Variants in METTL15 observed in about 807,000 individuals in gnomAD.
The protein encoded by METTL15 is 12S rRNA N(4)-cytidine methyltransferase METTL15.
METTL15 carries 34 observed loss-of-function variants against 38.3 expected under a neutral mutation model. The ratio of observed to expected loss-of-function variants is 0.89; its 90% CI spans 0.68 to 1.18. The LOEUF is 1.18. Among genes scored for constraint, METTL15 ranks in the 50% most tolerant of loss-of-function variants. The pLI is 0.00. For synonymous variants in METTL15, 162 were observed against 170.9 expected (o/e 0.95, Z 0.41); for missense variants, 438 against 498.4 (o/e 0.88, Z 1.15).
chr11:28,341,331 A>G (rs1849951054), intron 3 of METTL15, among the ~76,000 whole-genome samples: 2 of 152,142 alleles, frequency 1.3e-5, no homozygotes, highest in Admixed American at 6.6e-5. Context: ...AAAATTTGCT[A>G]TTCTATTTAC....
chr11:28,265,746 C>A (rs1427014748), intron 4 of METTL15, among the ~76,000 whole-genome samples: 1 of 152,140 alleles, frequency 6.6e-6, no homozygotes, highest in African/African-American at 2.4e-5. Flanking sequence ...GAACTCCACA[C>A]CTATATACCC....
intron 6 of METTL15, among the ~76,000 whole-genome samples, chr11:28,298,955 A>G (rs895113589): frequency 1.4e-4 from 21 of 152,138 alleles, no homozygotes; most frequent in African/African-American, 5.1e-4. Context: ...AGCTAATCAG[A>G]TACAACCTCT....
At chr11:28,453,732 CA>C (rs1222107963) in intron 6 of METTL15, among the ~76,000 whole-genome samples, 1 of 152,146 alleles carries the variant, frequency 6.6e-6, no homozygotes, top group Non-Finnish European at 1.5e-5. Flanking sequence ...GGTTTTTGGT[CA>C]AAATTCCATT....
rs929427802 is a variant in METTL15, at chr11:28,137,740, A to G, written c.270+24136A>G. Reference sequence around the variant, plus strand: ...ACCATTTGTCTTCAAAAATATTTCTATTTCTCAAAGATTAAAGTCACTTGA... The same window carrying G: ...ACCATTTGTCTTCAAAAATATTTCTGTTTCTCAAAGATTAAAGTCACTTGA... On this transcript the variant is annotated intron_variant, in intron 3 of 6. Coordinates refer to ENST00000407364, the MANE Select transcript of METTL15 (RefSeq NM_001113528.2). 3.0e-4 allele frequency among the ~76,000 whole-genome samples: 46 copies of G among 151,488 alleles called. 1 individual carries two copies. Among genetic ancestry groups the G allele is most frequent in the African/African-American group, 1.0e-3 (43 of 41,186 alleles).
chr11:28,113,486 A>T lies in METTL15; in HGVS notation c.152A>T (p.Gln51Leu). 6.2e-7 allele frequency: 1 copy of T among 1,612,988 alleles called. No individual in the cohort carries two copies. ...REYEAREQTD[Q>L]TQAQELHRSQ... is the part of the protein sequence containing the mutation. The stretch of plus-strand genomic sequence containing the variant: ...TATGAAGCCCGGGAGCAAACAGATC[A>T]AACTCAAGCCCAGGAGTTACACAGA... Residue 51 changes from glutamine (Q) to leucine (L), a missense_variant, in exon 3 of 7, where the codon CAA becomes CTA. Transcript: ENST00000407364.
At chr11:28,397,072 C>T (rs907381135) in intron 5 of METTL15, among the ~76,000 whole-genome samples, 2 of 152,124 alleles carry the variant, frequency 1.3e-5, no homozygotes, top group Non-Finnish European at 2.9e-5. Context: ...CTTCCTTACA[C>T]TTTATACAAA....
intron 6 of METTL15, among the ~76,000 whole-genome samples, chr11:28,311,381 C>T (rs917442404): frequency 1.3e-5 from 2 of 152,108 alleles, no homozygotes; most frequent in East Asian, 3.9e-4. Context: ...TACTTTAGAT[C>T]GTGCCCTGAA....
At chr11:28,393,938 C>A (rs1850540376) in intron 5 of METTL15, among the ~76,000 whole-genome samples, 1 of 151,464 alleles carries the variant, frequency 6.6e-6, no homozygotes, top group South Asian at 2.1e-4. Flanking sequence ...ACTGCTTCTC[C>A]TCCATCCATA....
At chr11:28,360,664 T>G (rs947105953) in intron 4 of METTL15, among the ~76,000 whole-genome samples, 4 of 152,112 alleles carry the variant, frequency 2.6e-5, no homozygotes, top group Admixed American at 2.6e-4. Context: ...TCTCTCTCTT[T>G]TTTTTTATTA....
intron 3 of METTL15, among the ~76,000 whole-genome samples, chr11:28,155,580 G>A (rs914187704): frequency 2.0e-5 from 3 of 152,134 alleles, no homozygotes; most frequent in African/African-American, 7.2e-5. Flanking sequence ...AGATGAGAGG[G>A]AGAGGATAGG....
intron 4 of METTL15, among the ~76,000 whole-genome samples, chr11:28,217,261 G>A (rs1340047359): frequency 6.6e-6 from 1 of 151,824 alleles, no homozygotes; most frequent in African/African-American, 2.4e-5. Flanking sequence ...ATTCTAACTG[G>A]TGTGAGATGG....
At chr11:28,338,044 C>T (rs1849917356), downstream of METTL15, among the ~76,000 whole-genome samples, 1 of 151,610 alleles carries the variant, frequency 6.6e-6, no homozygotes, top group Non-Finnish European at 1.5e-5. Context: ...CTTTTTACCC[C>T]TGTGTTTCAG....
intron 5 of METTL15, among the ~76,000 whole-genome samples, chr11:28,421,352 A>G (rs926860704): frequency 1.3e-5 from 2 of 152,092 alleles, no homozygotes; most frequent in African/African-American, 4.8e-5. Context: ...AATACTTCCA[A>G]ACTCATTCTA....
intron 4 of METTL15, among the ~76,000 whole-genome samples, chr11:28,252,332 A>G (rs1854778199): frequency 6.6e-6 from 1 of 152,152 alleles, no homozygotes; most frequent in African/African-American, 2.4e-5. Flanking sequence ...CAGATTTCAA[A>G]GAACATTTAG....
chr11:28,273,082 A>G (rs902225888), intron 4 of METTL15, among the ~76,000 whole-genome samples: 1 of 152,210 alleles, frequency 6.6e-6, no homozygotes, highest in Non-Finnish European at 1.5e-5. Context: ...CTCTGTTAAA[A>G]TATTCTGTGA....
chr11:28,372,839 A>C (rs1850260485), intron 5 of METTL15, among the ~76,000 whole-genome samples: 1 of 130,422 alleles, frequency 7.7e-6, no homozygotes, highest in Non-Finnish European at 1.5e-5. Context: ...CTCATTGTTC[A>C]ATTCCCACCT....
chr11:28,252,331 A>G (rs575039896), intron 4 of METTL15, among the ~76,000 whole-genome samples: 1 of 152,194 alleles, frequency 6.6e-6, no homozygotes, highest in Non-Finnish European at 1.5e-5. Flanking sequence ...ACAGATTTCA[A>G]AGAACATTTA....
At chr11:28,164,610 A>G (rs1338595495) in intron 3 of METTL15, among the ~76,000 whole-genome samples, 1 of 152,134 alleles carries the variant, frequency 6.6e-6, no homozygotes, top group African/African-American at 2.4e-5. Context: ...CTGCATATGT[A>G]CAATACGGAA....
chr11:28,163,241 T>C, intron 3 of METTL15: 3 of 395,706 alleles, frequency 7.6e-6, no homozygotes, highest in Middle Eastern at 6.4e-4. Context: ...CATGTGGGTG[T>C]TTTGATGATT....
Sources: allele counts gnomAD v4.1 joint callset (sites outside exome capture counted in the v4.1 genomes callset), GRCh38; gene constraint gnomAD v4.1.1; transcripts MANE v1.5; gene names NCBI Gene and HGNC (gene_info 2026-07-23, HGNC 2026-07-21).